DOCK7: variants seen among roughly 807,000 people sequenced by gnomAD.
DOCK7 encodes dedicator of cytokinesis protein 7.
In DOCK7, 138 loss-of-function variants were observed where a neutral mutation model predicts 271.0. The ratio of observed to expected loss-of-function variants is 0.51; its 90% CI spans 0.44 to 0.59. The LOEUF is 0.59. DOCK7 is among the 20% of genes least tolerant of loss of function. The pLI is 0.00. For synonymous variants in DOCK7, 823 were observed against 876.1 expected (o/e 0.94, Z 1.07); for missense variants, 2,066 against 2,592.4 (o/e 0.80, Z 4.41).
rs138179851 is a variant in DOCK7, at chr1:62,564,054, C to G, written c.2113-2351G>C. On this transcript the variant is annotated intron_variant, in intron 18 of 49. Transcript: ENST00000635253. ...AATATATATGCACCCAATAGAAGAG[C>G]ACCCAGATTCATAAAGCAAGTTATT... Among the ~76,000 whole-genome samples the G allele has an allele frequency of 3.8e-3, 579 of 152,084 alleles. 6 individuals carry two copies. Among genetic ancestry groups the G allele is most frequent in the African/African-American group, 0.013 (526 of 41,492 alleles).
In DOCK7 at chr1:62,528,311, GA is replaced by G; in HGVS notation, c.3782-7del. 2 of 1,603,544 alleles carry G rather than the reference GA, an allele frequency of 1.2e-6. No homozygotes were observed. Among genetic ancestry groups the G allele is most frequent in the East Asian group, 2.2e-5 (1 of 44,530 alleles). ...TCCTCGTTGATTGTGAGTTTCTAAA[GA>G]AAAATAATCCAAAAAAATAAATAAA... On this transcript the variant is annotated splice_polypyrimidine_tract_variant and splice_region_variant and intron_variant, in intron 30 of 49. Transcript: ENST00000635253.
chr1:62,474,235 GACTA>G, intron 47 of DOCK7, 147 bp from the exon 48 acceptor site: 1 of 587,130 alleles, frequency 1.7e-6, no homozygotes, highest in Non-Finnish European at 3.0e-6. Flanking sequence ...AAACTCCACA[GACTA>G]TTTCAGTATT....
At chr1:62,592,647 A>C (rs571914341) in intron 14 of DOCK7, among the ~76,000 whole-genome samples, 1 of 152,302 alleles carries the variant, frequency 6.6e-6, no homozygotes, top group Admixed American at 6.5e-5. Flanking sequence ...AGGGGAGCAA[A>C]TTATGTACAT....
rs370523542 is a variant in DOCK7, at chr1:62,675,791, GA to G, written c.38+12435del. On this transcript the variant is annotated intron_variant, in intron 1 of 49. Coordinates refer to ENST00000635253, the MANE Select transcript of DOCK7 (RefSeq NM_001367561.1). ...CAGTGCGAGACTCCATCTCAAAGAA[GA>G]AAAAAAAAAGGCACTAGTCATTAGG... is the stretch of plus-strand genomic sequence containing the variant. 1.9e-3 allele frequency among the ~76,000 whole-genome samples: 276 copies of G among 141,910 alleles called. 4 individuals carry two copies. The highest frequency in any genetic ancestry group is 6.0e-3 in the African/African-American group (230 of 38,630). 93.1% of individuals were successfully genotyped at this position (141,910 alleles called of 152,430 possible). A position where few individuals can be genotyped will look rare whatever the true frequency, so the allele number is the denominator to read the frequency against.
intron 48 of DOCK7, among the ~76,000 whole-genome samples, chr1:62,459,721 C>T (rs1249476084): frequency 4.2e-4 from 64 of 152,152 alleles, no homozygotes; most frequent in Admixed American, 3.9e-3. Context: ...TGTCACAAAT[C>T]TATCTACAAA....
intron 14 of DOCK7, chr1:62,608,019 C>T (rs1449533044): frequency 6.6e-6 from 1 of 152,074 alleles, no homozygotes; most frequent in Non-Finnish European, 1.5e-5. Flanking sequence ...GAAGTCAAGC[C>T]TGCAGCGAAC....
intron 1 of DOCK7, among the ~76,000 whole-genome samples, chr1:62,666,146 A>G (rs1659293108): frequency 6.6e-6 from 1 of 152,210 alleles, no homozygotes; most frequent in South Asian, 2.1e-4. Context: ...CCTGGGCGAC[A>G]GAGTGAGACT....
intron 34 of DOCK7, among the ~76,000 whole-genome samples, chr1:62,508,667 A>C (rs1162794740): frequency 3.9e-5 from 6 of 152,222 alleles, no homozygotes; most frequent in African/African-American, 7.2e-5. Context: ...ACAATTGTAC[A>C]CATATATTAA....
chr1:62,455,414 T>G lies in DOCK7; in HGVS notation c.6423A>C (p.Ter2141TyrextTer61). ...GATGAATAAAACAAGTGCATTCAGT[T>G]TAGAGATCCATTTTGCGAAGGCTCA... is the stretch of plus-strand genomic sequence containing the variant. Reference protein sequence around the residue: ...SRMSLRKMDL* With the variant: ...SRMSLRKMDLY The change falls in exon 50 of 50, where the codon TAA (stop) becomes TAC (tyrosine). Residue 2141 changes from the stop codon to tyrosine (Y), a stop_lost. Coordinates refer to ENST00000635253, the MANE Select transcript of DOCK7 (RefSeq NM_001367561.1). 1 of 1,613,596 alleles carries G rather than the reference T, an allele frequency of 6.2e-7. No individual in the cohort carries two copies. The highest frequency in any genetic ancestry group is 8.5e-7 in the Non-Finnish European group (1 of 1,179,754).
chr1:62,578,966 C>T lies in DOCK7; in HGVS notation c.1872G>A (p.Arg624=), dbSNP rs1270406015. The T allele has an allele frequency of 4.6e-6, 7 of 1,538,180 alleles. No homozygotes were observed. The highest frequency in any genetic ancestry group is 1.4e-5 in the African/African-American group (1 of 70,032). The stretch of plus-strand genomic sequence containing the variant: ...TGATTTCTTCATGAAAATCAGGAGA[C>T]CTTCATACAAAAAAAAAAAAAAATC... ...EAYTAVVYHN[R]SPDFHEEIKV... The change falls in exon 17 of 50, where the codon AGG becomes AGA. Residue 624 remains arginine, a splice_region_variant and synonymous_variant. Coordinates refer to ENST00000635253, the MANE Select transcript of DOCK7 (RefSeq NM_001367561.1).
chr1:62,527,622 G>A (rs1053332180), intron 31 of DOCK7, among the ~76,000 whole-genome samples: 3 of 151,380 alleles, frequency 2.0e-5, no homozygotes, highest in Non-Finnish European at 4.4e-5. Flanking sequence ...GCAAACTATT[G>A]CAAGGACAAA....
chr1:62,666,523 A>C (rs1346664543), intron 1 of DOCK7, among the ~76,000 whole-genome samples: 1 of 152,206 alleles, frequency 6.6e-6, no homozygotes, highest in Non-Finnish European at 1.5e-5. Context: ...CAACCCAGAC[A>C]AGGGATGCAT....
intron 36 of DOCK7, 147 bp from the exon 37 acceptor site, chr1:62,504,929 G>A: frequency 1.0e-6 from 1 of 988,974 alleles, no homozygotes; most frequent in African/African-American, 1.6e-5. Flanking sequence ...TTAATAGTGT[G>A]AGACACAGAG....
chr1:62,465,352 A>T (rs928620258), intron 48 of DOCK7, among the ~76,000 whole-genome samples: 3 of 152,132 alleles, frequency 2.0e-5, no homozygotes, highest in Non-Finnish European at 2.9e-5. Flanking sequence ...TGATGCTGGA[A>T]GTGCTCCCAA....
intron 10 of DOCK7, among the ~76,000 whole-genome samples, chr1:62,631,829 T>C (rs1447905059): frequency 6.6e-6 from 1 of 152,178 alleles, no homozygotes; most frequent in Admixed American, 6.5e-5. Flanking sequence ...CCCTAACATA[T>C]AACAACCATG....
intron 16 of DOCK7, among the ~76,000 whole-genome samples, chr1:62,580,981 C>G (rs1286569229): frequency 1.3e-5 from 2 of 152,122 alleles, no homozygotes; most frequent in Non-Finnish European, 2.9e-5. Context: ...GACTTACTGC[C>G]TATGGCTGTT....
chr1:62,508,445 T>C (rs1411354083), intron 34 of DOCK7, among the ~76,000 whole-genome samples: 2 of 152,246 alleles, frequency 1.3e-5, no homozygotes, highest in Non-Finnish European at 2.9e-5. Context: ...ATTTCAAATA[T>C]TTCCAATGTC....
At chr1:62,670,483 A>G (rs1229798881) in intron 1 of DOCK7, among the ~76,000 whole-genome samples, 3 of 148,558 alleles carry the variant, frequency 2.0e-5, no homozygotes, top group Non-Finnish European at 1.5e-5. Flanking sequence ...TGCTCTGGTG[A>G]GGACGTGGAG....
chr1:62,590,471 T>C (rs1183547828), intron 14 of DOCK7, among the ~76,000 whole-genome samples: 1 of 152,188 alleles, frequency 6.6e-6, no homozygotes, highest in East Asian at 1.9e-4. Context: ...ATGTCTATAA[T>C]TCCTCATTGC....
Sources: gnomAD v4.1 joint callset for allele counts (sites outside exome capture counted in the v4.1 genomes callset) on GRCh38, gnomAD v4.1.1 for gene constraint, MANE v1.5 for transcripts, NCBI Gene and HGNC (gene_info 2026-07-23, HGNC 2026-07-21) for gene names.